Variants in CDH4 observed in about 807,000 individuals in gnomAD.
CDH4 encodes the protein cadherin-4.
In CDH4, 33 loss-of-function variants were observed where a neutral mutation model predicts 86.0. That is an observed-to-expected ratio of 0.38 (90% CI 0.29 to 0.51). CDH4 has a LOEUF of 0.51. Among genes scored for constraint, CDH4 ranks in the 20% least tolerant of loss-of-function variants. The pLI, the probability that CDH4 is intolerant of heterozygous loss-of-function variation, is 0.86. For synonymous variants in CDH4, 555 were observed against 549.4 expected, an observed-to-expected ratio of 1.01 and a Z score of -0.14; for missense variants, 1,114 against 1,307.4, an observed-to-expected ratio of 0.85 and a Z score of 2.28.
chr20:61,790,974 C>T (rs1000306097), intron 4 of CDH4, among the ~76,000 whole-genome samples: 3 of 152,262 alleles, frequency 2.0e-5, no homozygotes, highest in African/African-American at 7.2e-5. Flanking sequence ...ATCCTCAGTG[C>T]TCTCACCCTC....
At chr20:61,929,159 C>CT (rs11474756) in intron 12 of CDH4, among the ~76,000 whole-genome samples, 7,090 of 148,400 alleles carry the variant, frequency 0.048, 482 homozygotes, top group African/African-American at 0.15. Context: ...TCTCCAATGT[C>CT]TTTTTTTTTT....
At position 61,328,607 on chromosome 20, in the gene CDH4, A is replaced by G. The variant is rs192558223; in HGVS notation, c.169+73670A>G. On this transcript the variant is annotated intron_variant, in intron 2 of 15. Transcript: ENST00000614565. Reference sequence around the variant, plus strand: ...AAGACCAGTCTGGGCAACATGGCCAAACCCCATCTTTACTAAAAATAAAAA... The same window carrying G: ...AAGACCAGTCTGGGCAACATGGCCAGACCCCATCTTTACTAAAAATAAAAA... Among the ~76,000 whole-genome samples, 648 of 152,206 alleles carry G rather than the reference A, an allele frequency of 4.3e-3. 1 individual carries two copies. The highest frequency in any genetic ancestry group is 0.013 in the South Asian group (61 of 4,820).
At chr20:61,402,478 T>G (rs1176483095) in intron 2 of CDH4, among the ~76,000 whole-genome samples, 3 of 152,134 alleles carry the variant, frequency 2.0e-5, no homozygotes, top group African/African-American at 7.2e-5. Context: ...CACTGCAGCC[T>G]CCTCCCGGGT....
At chr20:61,852,931 C>T in intron 6 of CDH4, 33 bp downstream of exon 6, 1 of 1,610,406 alleles carries the variant, frequency 6.2e-7, no homozygotes, top group Non-Finnish European at 8.5e-7. Flanking sequence ...GCTGGAGACC[C>T]TGTGGGCTCT....
intron 2 of CDH4, among the ~76,000 whole-genome samples, chr20:61,702,712 T>C (rs924906677): frequency 6.6e-6 from 1 of 152,228 alleles, no homozygotes; most frequent in Non-Finnish European, 1.5e-5. Flanking sequence ...CAAAAGTGCT[T>C]AGTAAATCCA....
At chr20:61,297,993 G>T (rs1351376202) in intron 2 of CDH4, among the ~76,000 whole-genome samples, 1 of 152,224 alleles carries the variant, frequency 6.6e-6, no homozygotes, top group Admixed American at 6.5e-5. Flanking sequence ...CAGCTCTGGG[G>T]GCCCGTTATC....
chr20:61,782,384 A>T (rs999683974), intron 4 of CDH4, among the ~76,000 whole-genome samples: 1 of 152,212 alleles, frequency 6.6e-6, no homozygotes, highest in Non-Finnish European at 1.5e-5. Context: ...TCACCATTAG[A>T]TCCAGAGGGA....
chr20:61,882,371 C>T (rs1329322403), intron 7 of CDH4, among the ~76,000 whole-genome samples: 1 of 152,256 alleles, frequency 6.6e-6, no homozygotes, highest in Non-Finnish European at 1.5e-5. Flanking sequence ...TCCAGGGTCT[C>T]AAACCCAGAG....
intron 2 of CDH4, among the ~76,000 whole-genome samples, chr20:61,726,129 G>A (rs1207444028): frequency 2.7e-5 from 4 of 150,600 alleles, no homozygotes; most frequent in African/African-American, 7.5e-5. Flanking sequence ...GGATAGTCTC[G>A]GGGGGGACTG....
chr20:61,285,878 G>A (rs1272054475), intron 2 of CDH4, among the ~76,000 whole-genome samples: 1 of 152,252 alleles, frequency 6.6e-6, no homozygotes, highest in African/African-American at 2.4e-5. Context: ...GGGGGCTGGG[G>A]ATGGCCGTGG....
intron 8 of CDH4, among the ~76,000 whole-genome samples, chr20:61,909,555 C>T (rs1238590383): frequency 6.6e-6 from 1 of 152,200 alleles, no homozygotes; most frequent in Non-Finnish European, 1.5e-5. Context: ...ACCCTTCCTG[C>T]CTCTTCCGGG....
At position 61,932,880 on chromosome 20, in the gene CDH4, G is replaced by C. The variant is rs532342275; in HGVS notation, c.2240-105G>C. ...TGCACACATGGGCACAGTCATGCTTGTGTGCCACCTGCATGTACATGCCCA... is the reference window on the plus strand; with the variant it reads ...TGCACACATGGGCACAGTCATGCTTCTGTGCCACCTGCATGTACATGCCCA... On this transcript the variant is annotated intron_variant, in intron 13 of 15. Transcript: ENST00000614565. The C allele has an allele frequency of 4.6e-5, 66 of 1,444,690 alleles. No individual in the cohort carries two copies. The South Asian group carries it at 7.6e-4, about 17-fold the overall frequency. 89.5% of individuals were successfully genotyped at this position (1,444,690 alleles called of 1,614,324 possible).
chr20:61,471,803 T>C (rs2085505346), intron 2 of CDH4, among the ~76,000 whole-genome samples: 1 of 152,170 alleles, frequency 6.6e-6, no homozygotes, highest in Non-Finnish European at 1.5e-5. Context: ...TTAATTTCCA[T>C]GTGTTTGTAT....
At chr20:61,557,980 G>T (rs1273561450) in intron 2 of CDH4, among the ~76,000 whole-genome samples, 1 of 152,186 alleles carries the variant, frequency 6.6e-6, no homozygotes, top group Non-Finnish European at 1.5e-5. Flanking sequence ...AATGGTTCTT[G>T]TAGTAGGTTG....
At chr20:61,649,712 A>G (rs2087101759) in intron 2 of CDH4, among the ~76,000 whole-genome samples, 1 of 152,182 alleles carries the variant, frequency 6.6e-6, no homozygotes, top group South Asian at 2.1e-4. Context: ...AGCAGCTTGC[A>G]GGAAGCGTTT....
chr20:61,687,847 G>T lies in CDH4; in HGVS notation c.170-55716G>T, dbSNP rs80324826. Among the ~76,000 whole-genome samples the T allele has an allele frequency of 3.6e-4, 55 of 152,258 alleles. No homozygotes were observed. In the East Asian group the frequency reaches 9.5e-3, roughly 26 times the overall value. ...GCATAGAAAATATTTCCACTAAAAGGACTTAGCCTACCTTAGACCACAGGG... is the reference window on the plus strand; with the variant it reads ...GCATAGAAAATATTTCCACTAAAAGTACTTAGCCTACCTTAGACCACAGGG... On this transcript the variant is annotated intron_variant, in intron 2 of 15. Transcript: ENST00000614565.
chr20:61,906,408 A>G (rs1740359), intron 8 of CDH4, among the ~76,000 whole-genome samples: 2,930 of 152,340 alleles, frequency 0.019, 82 homozygotes, highest in African/African-American at 0.066. Flanking sequence ...CCAAGCCCTT[A>G]AGGAAACTTG....
In CDH4 at chr20:61,516,332, T is replaced by C. The variant is rs981338530; in HGVS notation, c.170-227231T>C. ...TACATCCCGTCTATTAATGCCATGG[T>C]CCCTGAGCAGTCATGGGACCAACAT... On this transcript the variant is annotated intron_variant, in intron 2 of 15. Coordinates refer to ENST00000614565, the MANE Select transcript of CDH4 (RefSeq NM_001794.5). This position sits in a 1 kb window ranked among gnomAD's most constrained non-coding sequence, Gnocchi z 4.0. Among the ~76,000 whole-genome samples, 6 of 152,118 alleles carry C rather than the reference T, an allele frequency of 3.9e-5. No individual in the cohort carries two copies. The highest frequency in any genetic ancestry group is 3.9e-4 in the Admixed American group (6 of 15,286).
At chr20:61,296,055 C>T (rs1005539392) in intron 2 of CDH4, among the ~76,000 whole-genome samples, 2 of 151,946 alleles carry the variant, frequency 1.3e-5, no homozygotes, top group Non-Finnish European at 2.9e-5. Context: ...CGAGCCAGGA[C>T]GGTGGGGCAA....
Sources: gnomAD v4.1 joint callset for allele counts (sites outside exome capture counted in the v4.1 genomes callset) on GRCh38, gnomAD v4.1.1 for gene constraint, Gnocchi (gnomAD v3.1) non-coding constraint, MANE v1.5 for transcripts, NCBI Gene and HGNC (gene_info 2026-07-23, HGNC 2026-07-21) for gene names.